CSMD3: variants seen among roughly 807,000 people sequenced by gnomAD.
The protein encoded by CSMD3 is CUB and sushi domain-containing protein 3.
In CSMD3, 177 loss-of-function variants were observed where a neutral mutation model predicts 435.2. The ratio of observed to expected loss-of-function variants is 0.41; its 90% CI spans 0.36 to 0.46. The LOEUF is 0.46. Ranked by LOEUF, CSMD3 falls within the 20% of genes least tolerant of loss-of-function variation. The probability of loss-of-function intolerance (pLI) is 0.34; values close to 1 mark genes in which losing one functional copy is unlikely to be tolerated. For missense variants in CSMD3, 4,265 were observed against 4,504.6 expected, an observed-to-expected ratio of 0.95 and a Z score of 1.52; for synonymous variants, 1,656 against 1,520.5, an observed-to-expected ratio of 1.09 and a Z score of -2.07.
chr8:113,305,052 C>CA (rs1346273363), intron 2 of CSMD3, among the ~76,000 whole-genome samples: 1 of 148,216 alleles, frequency 6.7e-6, no homozygotes, highest in Non-Finnish European at 1.5e-5. Flanking sequence ...ATCGCAAGAA[C>CA]AAAAAACCAG....
intron 6 of CSMD3, among the ~76,000 whole-genome samples, chr8:112,976,912 A>T (rs926880458): frequency 6.6e-6 from 1 of 151,714 alleles, no homozygotes; most frequent in Admixed American, 6.6e-5. Flanking sequence ...TAGTTTTAAC[A>T]ATTGGTTGGG....
chr8:112,412,479 A>G (rs1811461041), intron 32 of CSMD3, among the ~76,000 whole-genome samples: 2 of 152,170 alleles, frequency 1.3e-5, no homozygotes, highest in Non-Finnish European at 2.9e-5. Context: ...CTCAAGATAC[A>G]AGAGTAAGCT....
intron 10 of CSMD3, among the ~76,000 whole-genome samples, chr8:112,879,777 C>A (rs912665334): frequency 6.6e-6 from 1 of 151,948 alleles, no homozygotes; most frequent in Non-Finnish European, 1.5e-5. Flanking sequence ...GCTGGGACAT[C>A]AATGAAGCTG....
In CSMD3 at chr8:112,289,526, C is replaced by T. The variant is rs748539011; in HGVS notation, c.8987G>A (p.Gly2996Glu). Residue 2996 changes from glycine (G) to glutamate (E), a missense_variant, in exon 57 of 71, where the codon GGA (glycine) becomes GAA (glutamate). This residue lies in a region of CSMD3 where 3,255 missense variants were observed against 3,380.2 expected (regional missense o/e 0.96). Transcript: ENST00000297405. Reference sequence around the variant, plus strand: ...TGCATTAGGAGGAACGCCAGGGTGTCCACAGTCAATCACTACAATACATAA... The same window carrying T: ...TGCATTAGGAGGAACGCCAGGGTGTTCACAGTCAATCACTACAATACATAA... ...PLPECIMIDC[G>E]HPGVPPNAVL... 6.2e-7 allele frequency: 1 copy of T among 1,610,602 alleles called. No individual in the cohort carries two copies. The highest frequency in any genetic ancestry group is 8.5e-7 in the Non-Finnish European group (1 of 1,177,690).
chr8:113,343,351 A>T (rs747396200), intron 1 of CSMD3, among the ~76,000 whole-genome samples: 2 of 152,174 alleles, frequency 1.3e-5, no homozygotes, highest in African/African-American at 2.4e-5. Context: ...TGGGAGATGG[A>T]CTTTATATCA....
chr8:112,631,390 G>A (rs2074509884), intron 22 of CSMD3, among the ~76,000 whole-genome samples: 1 of 151,974 alleles, frequency 6.6e-6, no homozygotes, highest in Non-Finnish European at 1.5e-5. Flanking sequence ...TACAGAAAAA[G>A]TTTGCCCACC....
intron 35 of CSMD3, among the ~76,000 whole-genome samples, chr8:112,399,077 C>A (rs968619730): frequency 6.6e-6 from 1 of 151,806 alleles, no homozygotes; most frequent in African/African-American, 2.4e-5. Flanking sequence ...CCACCACGCC[C>A]AGCTAATTTT....
chr8:112,624,977 T>A (rs894781806), intron 22 of CSMD3, among the ~76,000 whole-genome samples: 1 of 151,986 alleles, frequency 6.6e-6, no homozygotes, highest in South Asian at 2.1e-4. Context: ...GAGAAAGGCA[T>A]TGTAAGATCA....
chr8:112,826,903 C>T (rs1186531216), intron 12 of CSMD3, among the ~76,000 whole-genome samples: 4 of 151,840 alleles, frequency 2.6e-5, no homozygotes, highest in Non-Finnish European at 5.9e-5. Context: ...AATAGTCATT[C>T]TATGTTACTT....
At chr8:113,369,275 T>C (rs1374785101) in intron 1 of CSMD3, among the ~76,000 whole-genome samples, 1 of 151,966 alleles carries the variant, frequency 6.6e-6, no homozygotes, top group African/African-American at 2.4e-5. Context: ...TCCAAATTAT[T>C]AGATAAATTC....
At chr8:113,159,566 C>T (rs1346230385) in intron 4 of CSMD3, among the ~76,000 whole-genome samples, 1 of 151,864 alleles carries the variant, frequency 6.6e-6, no homozygotes, top group Non-Finnish European at 1.5e-5. Context: ...CAGGTTATTA[C>T]CGTGTGACCT....
At position 112,311,066 on chromosome 8, in the gene CSMD3, T is replaced by C; in HGVS notation, c.7797A>G (p.Gly2599=). Residue 2599 remains glycine (G), a synonymous_variant, in exon 50 of 71, where the codon GGA becomes GGG. Transcript: ENST00000297405. The stretch of plus-strand genomic sequence containing the variant: ...CACTGCTTTTTCCAACAAGTCGGAA[T>C]CCTCGATCACAGGCCCAACGGACCA... ...NSVVRWACDR[G]FRLVGKSSAV... 6.2e-7 allele frequency: 1 copy of C among 1,614,046 alleles called. No individual in the cohort carries two copies. Among genetic ancestry groups the C allele is most frequent in the Non-Finnish European group, 8.5e-7 (1 of 1,179,984 alleles).
intron 59 of CSMD3, among the ~76,000 whole-genome samples, chr8:112,269,413 T>TG (rs1817254168): frequency 6.6e-6 from 1 of 152,278 alleles, no homozygotes; most frequent in Admixed American, 6.5e-5. Flanking sequence ...TGCAGGATGT[T>TG]GGGGGTTGGT....
chr8:112,485,438 C>T (rs1820029619), intron 31 of CSMD3, among the ~76,000 whole-genome samples: 1 of 151,944 alleles, frequency 6.6e-6, no homozygotes, highest in Non-Finnish European at 1.5e-5. Flanking sequence ...ATTTCAAATG[C>T]CAATGGCTCA....
intron 1 of CSMD3, among the ~76,000 whole-genome samples, chr8:113,348,738 T>G (rs892451031): frequency 6.6e-6 from 1 of 151,998 alleles, no homozygotes; most frequent in African/African-American, 2.4e-5. Flanking sequence ...TGTTTTGGGG[T>G]TTTTTTATTT....
At chr8:112,844,508 A>G (rs2080263776) in intron 11 of CSMD3, among the ~76,000 whole-genome samples, 1 of 152,016 alleles carries the variant, frequency 6.6e-6, no homozygotes, top group Non-Finnish European at 1.5e-5. Flanking sequence ...AAGCAACATC[A>G]AGGAATATTT....
At chr8:112,292,404 T>C (rs1359864974) in intron 55 of CSMD3, 133 bp downstream of exon 55, 2 of 744,606 alleles carry the variant, frequency 2.7e-6, no homozygotes, top group Non-Finnish European at 4.6e-6. Flanking sequence ...TGAGATGACA[T>C]CAGTATTAAA....
intron 2 of CSMD3, among the ~76,000 whole-genome samples, chr8:113,294,263 C>T (rs1434734664): frequency 7.9e-5 from 12 of 151,898 alleles, no homozygotes; most frequent in Non-Finnish European, 2.9e-5. Flanking sequence ...TATGTTAAAT[C>T]AGCATAATTA....
At chr8:112,961,379 T>C (rs1218341461) in intron 7 of CSMD3, among the ~76,000 whole-genome samples, 4 of 151,862 alleles carry the variant, frequency 2.6e-5, no homozygotes, top group African/African-American at 9.7e-5. Context: ...TAGAAATGTA[T>C]AAAACCATAT....
Sources: gnomAD v4.1 joint callset for allele counts (sites outside exome capture counted in the v4.1 genomes callset) on GRCh38, gnomAD v4.1.1 for gene constraint, gnomAD v4.1.1 regional missense constraint, MANE v1.5 for transcripts, NCBI Gene and HGNC (gene_info 2026-07-23, HGNC 2026-07-21) for gene names.